Variants in SLC24A2 observed in about 807,000 individuals in gnomAD.
The protein encoded by SLC24A2 is sodium/potassium/calcium exchanger 2.
A neutral mutation model predicts 62.0 loss-of-function variants in SLC24A2; 36 were observed. The observed-to-expected ratio is 0.58, with a 90% confidence interval of 0.44 to 0.77. The LOEUF (loss-of-function observed/expected upper bound fraction) is 0.77, where lower values mean the gene tolerates loss of function less well. Ranked by LOEUF, SLC24A2 falls within the 30% of genes least tolerant of loss-of-function variation. The pLI, the probability that SLC24A2 is intolerant of heterozygous loss-of-function variation, is 0.00. For missense variants in SLC24A2, 846 were observed against 817.9 expected (o/e 1.03, Z -0.42); for synonymous variants, 358 against 294.0 (o/e 1.22, Z -2.23).
the SLC24A2 span, among the ~76,000 whole-genome samples, chr9:20,276,386 C>A: frequency 6.6e-6 from 1 of 152,256 alleles, no homozygotes; most frequent in African/African-American, 2.4e-5. Flanking sequence ...GACTCCATGT[C>A]TCGCATCTTG....
chr9:19,585,624 T>C (rs1232818533), intron 5 of SLC24A2, among the ~76,000 whole-genome samples: 1 of 152,248 alleles, frequency 6.6e-6, no homozygotes, highest in Non-Finnish European at 1.5e-5. Context: ...GAATCATGCA[T>C]ATCTACATCT....
At chr9:19,766,587 G>C (rs1026439955) in intron 2 of SLC24A2, among the ~76,000 whole-genome samples, 1 of 152,168 alleles carries the variant, frequency 6.6e-6, no homozygotes, top group South Asian at 2.1e-4. Context: ...AGTTTGCTGG[G>C]GGTCCAATCC....
At chr9:20,204,552 G>A in the SLC24A2 span, among the ~76,000 whole-genome samples, 1 of 152,098 alleles carries the variant, frequency 6.6e-6, no homozygotes, top group African/African-American at 2.4e-5. Context: ...CAACTTTGCT[G>A]ATGTCGTACT....
chr9:19,744,092 C>T (rs1385377089), intron 2 of SLC24A2, among the ~76,000 whole-genome samples: 2 of 152,128 alleles, frequency 1.3e-5, no homozygotes, highest in African/African-American at 4.8e-5. Flanking sequence ...GGCAGAGCTG[C>T]TCTGTGATGT....
chr9:19,808,518 CAA>C, the SLC24A2 span, among the ~76,000 whole-genome samples: 1 of 152,040 alleles, frequency 6.6e-6, no homozygotes, highest in African/African-American at 2.4e-5. The surrounding 1 kb of genome is among the most constrained non-coding windows in gnomAD (Gnocchi z 4.1). Flanking sequence ...CTCAGAAGCA[CAA>C]AAAACAGCAA....
the SLC24A2 span, among the ~76,000 whole-genome samples, chr9:20,066,781 C>T: frequency 6.6e-6 from 1 of 152,194 alleles, no homozygotes; most frequent in African/African-American, 2.4e-5. Flanking sequence ...TACCTCCCCT[C>T]AGCAAAATGA....
At chr9:19,530,878 T>G (rs902518517) in intron 8 of SLC24A2, among the ~76,000 whole-genome samples, 1 of 152,110 alleles carries the variant, frequency 6.6e-6, no homozygotes, top group African/African-American at 2.4e-5. Context: ...GAACTAGAGA[T>G]AAAATTCAAA....
At chr9:19,692,326 T>C (rs1209278339) in intron 2 of SLC24A2, among the ~76,000 whole-genome samples, 1 of 152,146 alleles carries the variant, frequency 6.6e-6, no homozygotes, top group Non-Finnish European at 1.5e-5. Flanking sequence ...TTTCTACAGG[T>C]TTTTTTCCAC....
the SLC24A2 span, among the ~76,000 whole-genome samples, chr9:20,256,872 G>T: frequency 1.3e-5 from 2 of 151,658 alleles, no homozygotes; most frequent in African/African-American, 4.9e-5. Flanking sequence ...CCCAAGGGTA[G>T]AAAGAAAGGA....
chr9:19,573,563 G>T (rs960319632), intron 6 of SLC24A2, 94 bp from the exon 7 acceptor site: 16 of 873,684 alleles, frequency 1.8e-5, no homozygotes, highest in Non-Finnish European at 2.5e-5. Flanking sequence ...GAAAGCAAAT[G>T]GAATCAATGG....
At chr9:19,547,026 G>T (rs987185568) in intron 8 of SLC24A2, among the ~76,000 whole-genome samples, 1 of 152,138 alleles carries the variant, frequency 6.6e-6, no homozygotes, top group African/African-American at 2.4e-5. Context: ...CCTGCCTTCT[G>T]TGGCGATCTC....
rs372248454 is a variant in SLC24A2 at position 19,521,110 on chromosome 9, C to G, written c.1570-50G>C. The G allele has an allele frequency of 2.8e-3, 4,469 of 1,585,408 alleles. 8 individuals are homozygous for G. Among genetic ancestry groups the G allele is most frequent in the Non-Finnish European group, 3.4e-3 (3,907 of 1,155,850 alleles). On this transcript the variant is annotated intron_variant, in intron 9 of 10. Coordinates refer to ENST00000341998, the MANE Select transcript of SLC24A2 (RefSeq NM_020344.4). ...ATCTCAGTGTTTGAAGTTACAAAATCATAAAAATCACAAAAATTTCAATGC... is the reference window on the plus strand; with the variant it reads ...ATCTCAGTGTTTGAAGTTACAAAATGATAAAAATCACAAAAATTTCAATGC...
At chr9:19,937,525 T>C in the SLC24A2 span, among the ~76,000 whole-genome samples, 13 of 152,208 alleles carry the variant, frequency 8.5e-5, no homozygotes, top group Non-Finnish European at 1.8e-4. Context: ...ATTGTTACTT[T>C]TAACTTTAAA....
chr9:19,742,622 G>A (rs980346037), intron 2 of SLC24A2, among the ~76,000 whole-genome samples: 1 of 152,106 alleles, frequency 6.6e-6, no homozygotes, highest in African/African-American at 2.4e-5. Flanking sequence ...TATAATAAGT[G>A]GCAAAAGAGG....
chr9:20,011,737 A>G, the SLC24A2 span, among the ~76,000 whole-genome samples: 1 of 152,332 alleles, frequency 6.6e-6, no homozygotes, highest in South Asian at 2.1e-4. Context: ...TAACCTAAAA[A>G]TAATTTTACC....
intron 8 of SLC24A2, among the ~76,000 whole-genome samples, chr9:19,545,062 C>G (rs184530476): frequency 6.6e-6 from 1 of 152,134 alleles, no homozygotes; most frequent in East Asian, 1.9e-4. Flanking sequence ...TTCAGGTACA[C>G]CAATCAGAGG....
the SLC24A2 span, among the ~76,000 whole-genome samples, chr9:20,076,160 G>A: frequency 6.6e-6 from 1 of 152,068 alleles, no homozygotes. Context: ...TATGGATACA[G>A]AGGGCCGGCT....
intron 4 of SLC24A2, among the ~76,000 whole-genome samples, chr9:19,618,065 G>T (rs573207279): frequency 1.2e-4 from 19 of 152,324 alleles, no homozygotes; most frequent in Non-Finnish European, 2.4e-4. Context: ...AAGCATTATT[G>T]TGAAGCATAA....
chr9:20,214,318 A>G, the SLC24A2 span, among the ~76,000 whole-genome samples: 1 of 152,162 alleles, frequency 6.6e-6, no homozygotes. Context: ...TGTTTTGTGC[A>G]CTTAAAATTT....
Sources: gnomAD v4.1 joint callset for allele counts (sites outside exome capture counted in the v4.1 genomes callset) on GRCh38, gnomAD v4.1.1 for gene constraint, Gnocchi (gnomAD v3.1) non-coding constraint, MANE v1.5 for transcripts, NCBI Gene and HGNC (gene_info 2026-07-23, HGNC 2026-07-21) for gene names.